Variants in FIGN observed in about 807,000 individuals in gnomAD.
FIGN encodes fidgetin, microtubule severing factor.
FIGN carries 11 observed loss-of-function variants against 51.3 expected under a neutral mutation model. The observed-to-expected ratio is 0.21, with a 90% CI of 0.13 to 0.35. The LOEUF is 0.35. Among genes scored for constraint, FIGN ranks in the 10% least tolerant of loss-of-function variants. The pLI is 1.00. For missense variants in FIGN, 857 were observed against 943.6 expected (o/e 0.91, Z 1.20); for synonymous variants, 407 against 363.2 (o/e 1.12, Z -1.37).
rs200358782 is a variant in FIGN at position 163,610,301 on chromosome 2, C to G, written c.1531G>C (p.Ala511Pro). 1.5e-4 allele frequency: 249 copies of G among 1,614,014 alleles called. No individual in the cohort carries two copies. The highest frequency in any genetic ancestry group is 2.1e-4 in the Non-Finnish European group (243 of 1,180,054). Residue 511 changes from alanine to proline, a missense_variant, in exon 3 of 3, where the codon GCG becomes CCG. Transcript: ENST00000333129. ...GGTAAGGCCGTCAGTCCACTGAACGCGTCTGACCTCAACACTGGCCATAAA... is the reference window on the plus strand; with the variant it reads ...GGTAAGGCCGTCAGTCCACTGAACGGGTCTGACCTCAACACTGGCCATAAA... ...EVLWPVLRSD[A>P]FSGLTALPRS...
rs61220454 is a variant in FIGN, at chr2:163,682,136, A to AAAAC, written c.25+52763_25+52766dup. On this transcript the variant is annotated intron_variant, in intron 2 of 2. Coordinates refer to ENST00000333129, the MANE Select transcript of FIGN (RefSeq NM_018086.4). ...TCTTTTCCTGTTGCAATCTTTTGTT[A>AAAAC]AAACAAACAAACAAACAAACAAAAC... 2.9e-3 allele frequency among the ~76,000 whole-genome samples: 444 copies of AAAAC among 152,328 alleles called. 1 individual carries two copies. The highest frequency in any genetic ancestry group is 9.8e-3 in the African/African-American group (409 of 41,568).
chr2:163,671,990 T>C (rs969214657), intron 2 of FIGN, among the ~76,000 whole-genome samples: 2 of 152,200 alleles, frequency 1.3e-5, no homozygotes, highest in African/African-American at 4.8e-5. Context: ...CCTGGCAATA[T>C]GGCAAGGCTC....
chr2:163,665,964 C>A (rs1011652465), intron 2 of FIGN, among the ~76,000 whole-genome samples: 2 of 152,258 alleles, frequency 1.3e-5, no homozygotes, highest in Middle Eastern at 3.4e-3. Context: ...TGAAAGCCAC[C>A]ATGGTGCATG....
chr2:163,626,599 A>G (rs1050209861), intron 2 of FIGN, among the ~76,000 whole-genome samples: 1 of 152,170 alleles, frequency 6.6e-6, no homozygotes. Flanking sequence ...AGTTTTAGTT[A>G]TGAATTTTAG....
At chr2:163,725,533 T>C (rs559521059) in intron 2 of FIGN, among the ~76,000 whole-genome samples, 1 of 152,190 alleles carries the variant, frequency 6.6e-6, no homozygotes, top group East Asian at 1.9e-4. Flanking sequence ...TTTGCTGTAG[T>C]AGGGTAAAAT....
At chr2:163,689,173 A>AACACACAC (rs58519537) in intron 2 of FIGN, among the ~76,000 whole-genome samples, 3,792 of 144,740 alleles carry the variant, frequency 0.026, 59 homozygotes, top group Non-Finnish European at 0.031. Flanking sequence ...AACAAAAATG[A>AACACACAC]ACACACACAC....
chr2:163,611,821 G>C lies in FIGN; in HGVS notation c.26-15C>G, dbSNP rs572918511. The stretch of plus-strand genomic sequence containing the variant: ...CATCTTCAAGCCTAAGAATTTTGGG[G>C]GGAAAAGAGTTAATTTACTTAAATA... On this transcript the variant is annotated splice_polypyrimidine_tract_variant and intron_variant, in intron 2 of 2. Coordinates refer to ENST00000333129, the MANE Select transcript of FIGN (RefSeq NM_018086.4). 1 of 1,581,798 alleles carries C rather than the reference G, an allele frequency of 6.3e-7. No homozygotes were observed. Among genetic ancestry groups the C allele is most frequent in the African/African-American group, 1.3e-5 (1 of 74,112 alleles).
chr2:163,734,461 G>C (rs950764307), intron 2 of FIGN, among the ~76,000 whole-genome samples: 1 of 145,038 alleles, frequency 6.9e-6, no homozygotes, highest in East Asian at 2.1e-4. Context: ...ATCCAGTCCT[G>C]TTCCTGTGTG....
At chr2:163,674,903 G>A (rs539850363) in intron 2 of FIGN, among the ~76,000 whole-genome samples, 6 of 152,234 alleles carry the variant, frequency 3.9e-5, no homozygotes, top group Admixed American at 6.5e-5. Context: ...TTTCTGAGAA[G>A]AAGTATGGTT....
chr2:163,661,065 G>A (rs1683671522), intron 2 of FIGN, among the ~76,000 whole-genome samples: 2 of 145,946 alleles, frequency 1.4e-5, no homozygotes, highest in Admixed American at 1.4e-4. Context: ...TGCATTTTTA[G>A]TAGAGACAGG....
rs1355789760 is a variant in FIGN at position 163,608,116 on chromosome 2, T to G, written c.*1436A>C. 2 of 152,620 alleles carry G rather than the reference T, an allele frequency of 1.3e-5. No individual in the cohort carries two copies. The highest frequency in any genetic ancestry group is 2.4e-5 in the African/African-American group (1 of 41,438). 9.5% of individuals were successfully genotyped at this position (152,620 alleles called of 1,614,324 possible). ...TGTGTCCACTTCCAATTTTCTACTT[T>G]ACTTTCCAAGAGAAATGTAACAAAA... On this transcript the variant is annotated 3_prime_UTR_variant, in exon 3 of 3. Coordinates refer to ENST00000333129, the MANE Select transcript of FIGN (RefSeq NM_018086.4).
At chr2:163,619,150 CTAATGTGCTG>C (rs1682928107) in intron 2 of FIGN, among the ~76,000 whole-genome samples, 1 of 152,030 alleles carries the variant, frequency 6.6e-6, no homozygotes, top group South Asian at 2.1e-4. Context: ...TTCACCATTC[CTAATGTGCTG>C]TATGTTTGAT....
intron 2 of FIGN, among the ~76,000 whole-genome samples, chr2:163,696,064 T>C (rs574450503): frequency 4.6e-5 from 7 of 152,014 alleles, no homozygotes; most frequent in African/African-American, 1.7e-4. Context: ...TGAGCCAAGA[T>C]CATGCCACTG....
At chr2:163,735,650 C>T (rs1685003198) in intron 1 of FIGN, among the ~76,000 whole-genome samples, 188 bp downstream of exon 1, 1 of 152,112 alleles carries the variant, frequency 6.6e-6, no homozygotes, top group African/African-American at 2.4e-5. Flanking sequence ...TGTTTCAGGG[C>T]TACTTTGAAC....
chr2:163,701,326 C>G (rs1350657363), intron 2 of FIGN, among the ~76,000 whole-genome samples: 1 of 152,114 alleles, frequency 6.6e-6, no homozygotes, highest in East Asian at 1.9e-4. Context: ...AGCAGCTACC[C>G]AAAGGTAAGA....
chr2:163,633,007 A>G (rs1172937690), intron 2 of FIGN, among the ~76,000 whole-genome samples: 1 of 152,038 alleles, frequency 6.6e-6, no homozygotes, highest in African/African-American at 2.4e-5. Context: ...TCTGAGCAAC[A>G]TAGCTACCAA....
chr2:163,688,731 C>A (rs1420858286), intron 2 of FIGN, among the ~76,000 whole-genome samples: 1 of 152,024 alleles, frequency 6.6e-6, no homozygotes, highest in African/African-American at 2.4e-5. Flanking sequence ...AGAGGGAGAA[C>A]CTAAAGCCAA....
At chr2:163,722,213 A>G (rs7565360) in intron 2 of FIGN, among the ~76,000 whole-genome samples, 146,163 of 152,260 alleles carry the variant, frequency 0.96, 70,184 homozygotes, top group Middle Eastern at 0.99. Context: ...CAATTAAAAT[A>G]TTAACCAAAG....
rs182530602 is a variant in FIGN, at chr2:163,704,044, A to C, written c.25+30859T>G. ...GTTTTGTTTGGAAAAGGGGGAAAAA[A>C]AAGTCTGTGTTCCATTCCAGCTGGC... On this transcript the variant is annotated intron_variant, in intron 2 of 2. Coordinates refer to ENST00000333129, the MANE Select transcript of FIGN (RefSeq NM_018086.4). 5.5e-4 allele frequency among the ~76,000 whole-genome samples: 83 copies of C among 152,222 alleles called. 2 individuals are homozygous for C. The highest frequency in any genetic ancestry group is 4.8e-3 in the Admixed American group (73 of 15,262).
Sources: gnomAD v4.1 joint callset for allele counts (sites outside exome capture counted in the v4.1 genomes callset) on GRCh38, gnomAD v4.1.1 for gene constraint, MANE v1.5 for transcripts, NCBI Gene and HGNC (gene_info 2026-07-23, HGNC 2026-07-21) for gene names.